GTF2IRD1: variants seen among roughly 807,000 people sequenced by gnomAD.
The protein encoded by GTF2IRD1 is general transcription factor II-I repeat domain-containing protein 1.
GTF2IRD1 carries 26 observed loss-of-function variants against 113.2 expected under a neutral mutation model. The ratio of observed to expected loss-of-function variants is 0.23; its 90% CI spans 0.17 to 0.32. The LOEUF is 0.32. Among genes scored for constraint, GTF2IRD1 ranks in the 10% least tolerant of loss-of-function variants. GTF2IRD1 has a pLI of 1.00. For missense variants in GTF2IRD1, 864 were observed against 1,280.8 expected (o/e 0.67, Z 4.97); for synonymous variants, 484 against 529.1 (o/e 0.91, Z 1.17).
intron 1 of GTF2IRD1, among the ~76,000 whole-genome samples, chr7:74,489,800 AG>A (rs1779867160): frequency 6.6e-6 from 1 of 152,212 alleles, no homozygotes; most frequent in African/African-American, 2.4e-5. Flanking sequence ...AGTTCCTCCC[AG>A]GGACTGGGAG....
At chr7:74,510,450 G>A (rs1237067443) in intron 2 of GTF2IRD1, among the ~76,000 whole-genome samples, 2 of 151,774 alleles carry the variant, frequency 1.3e-5, no homozygotes, top group Non-Finnish European at 2.9e-5. Flanking sequence ...GGGATTACAG[G>A]TGTGCGCCAC....
chr7:74,471,687 A>ACC (rs66929737), intron 1 of GTF2IRD1, among the ~76,000 whole-genome samples: 10 of 74,004 alleles, frequency 1.4e-4, no homozygotes, highest in Admixed American at 5.3e-4. Flanking sequence ...AAAAAAAAAA[A>ACC]AACAAAAAAA....
chr7:74,554,712 T>C (rs184791776), intron 17 of GTF2IRD1, among the ~76,000 whole-genome samples: 1 of 152,292 alleles, frequency 6.6e-6, no homozygotes, highest in Admixed American at 6.5e-5. Flanking sequence ...CTAATTTTTG[T>C]ATTTTTAGTA....
At chr7:74,600,851 G>A (rs587690838) in intron 25 of GTF2IRD1, 193 bp from the exon 26 acceptor site, 24 of 617,168 alleles carry the variant, frequency 3.9e-5, no homozygotes, top group South Asian at 2.2e-4. Flanking sequence ...GTGGGCCCTC[G>A]GGCTTGCTTT....
chr7:74,559,109 A>AATCCT, intron 21 of GTF2IRD1, 65 bp downstream of exon 21: 1 of 1,286,596 alleles, frequency 7.8e-7, no homozygotes, highest in South Asian at 1.4e-5. Flanking sequence ...TGCACCTGCG[A>AATCCT]ATCCTTAGCC....
chr7:74,530,516 A>C (rs1380622337), intron 9 of GTF2IRD1, among the ~76,000 whole-genome samples: 1 of 95,384 alleles, frequency 1.0e-5, no homozygotes, highest in South Asian at 3.4e-4. Flanking sequence ...TTTTTTTTTG[A>C]ATAGAGATGG....
chr7:74,501,407 C>T (rs782044009), intron 1 of GTF2IRD1, among the ~76,000 whole-genome samples: 2 of 152,196 alleles, frequency 1.3e-5, no homozygotes, highest in African/African-American at 4.8e-5. Flanking sequence ...GAGAATTAAA[C>T]TGGTCCCGGC....
chr7:74,599,819 G>A (rs888914605), intron 25 of GTF2IRD1, among the ~76,000 whole-genome samples: 2 of 152,070 alleles, frequency 1.3e-5, no homozygotes, highest in African/African-American at 4.8e-5. Context: ...CACTGCGCCT[G>A]GCCCCAGGTC....
At chr7:74,523,737 A>G (rs766069446) in intron 7 of GTF2IRD1, among the ~76,000 whole-genome samples, 11 of 151,932 alleles carry the variant, frequency 7.2e-5, no homozygotes, top group Admixed American at 7.2e-4. Context: ...AAAAAAAAAC[A>G]TAAGACTCGA....
chr7:74,494,574 G>C (rs576066203), intron 1 of GTF2IRD1, among the ~76,000 whole-genome samples: 1 of 152,300 alleles, frequency 6.6e-6, no homozygotes, highest in East Asian at 1.9e-4. Context: ...TCACATTCAA[G>C]AGGAGAGAAT....
intron 7 of GTF2IRD1, among the ~76,000 whole-genome samples, 180 bp from the exon 8 acceptor site, chr7:74,523,891 C>T (rs1446174505): frequency 2.0e-5 from 3 of 151,932 alleles, no homozygotes; most frequent in East Asian, 1.9e-4. Context: ...AACGGGCAGA[C>T]GGGGGACCAT....
chr7:74,538,798 A>G (rs782458646), intron 13 of GTF2IRD1, 38 bp downstream of exon 13: 3 of 1,128,192 alleles, frequency 2.7e-6, no homozygotes, highest in South Asian at 1.2e-5. Context: ...TGCAGAAATC[A>G]GGGCCGGACC....
intron 17 of GTF2IRD1, among the ~76,000 whole-genome samples, chr7:74,550,498 G>C (rs1185616472): frequency 6.6e-6 from 1 of 151,986 alleles, no homozygotes; most frequent in African/African-American, 2.4e-5. Context: ...TGAGGTGGGA[G>C]GATCGCTTGA....
At chr7:74,574,033 G>T (rs370056310) in intron 22 of GTF2IRD1, among the ~76,000 whole-genome samples, 12 of 152,224 alleles carry the variant, frequency 7.9e-5, no homozygotes, top group African/African-American at 2.9e-4. Flanking sequence ...GCCCAGGCTG[G>T]AGTGCAGCAG....
At chr7:74,509,811 T>C (rs1199882247) in intron 2 of GTF2IRD1, among the ~76,000 whole-genome samples, 1 of 151,988 alleles carries the variant, frequency 6.6e-6, no homozygotes, top group Non-Finnish European at 1.5e-5. Flanking sequence ...TAGCTGGGAC[T>C]ACAGGCCCCC....
intron 22 of GTF2IRD1, chr7:74,571,209 C>G (rs767101528): frequency 2.1e-4 from 150 of 701,486 alleles, no homozygotes; most frequent in Non-Finnish European, 2.5e-4. Context: ...CCTCAGTTTC[C>G]CTACTTGTAA....
At chr7:74,584,879 G>C (rs1195785511) in intron 22 of GTF2IRD1, among the ~76,000 whole-genome samples, 3 of 152,096 alleles carry the variant, frequency 2.0e-5, no homozygotes, top group Non-Finnish European at 4.4e-5. Flanking sequence ...TTGGCTCTCT[G>C]TAACCTCCGC....
At chr7:74,521,847 G>A (rs773326237) in intron 7 of GTF2IRD1, among the ~76,000 whole-genome samples, 2 of 152,328 alleles carry the variant, frequency 1.3e-5, no homozygotes, top group African/African-American at 4.8e-5. Flanking sequence ...GTTTCTGGGG[G>A]TTGGGAATTC....
At chr7:74,559,927 T>C (rs1187823132) in intron 22 of GTF2IRD1, among the ~76,000 whole-genome samples, 1 of 152,040 alleles carries the variant, frequency 6.6e-6, no homozygotes, top group Non-Finnish European at 1.5e-5. Flanking sequence ...TTACAGGCAA[T>C]TGTCACCATA....
Sources: gnomAD v4.1 joint callset for allele counts (sites outside exome capture counted in the v4.1 genomes callset) on GRCh38, gnomAD v4.1.1 for gene constraint, MANE v1.5 for transcripts, NCBI Gene and HGNC (gene_info 2026-07-23, HGNC 2026-07-21) for gene names.